ZC3H18: variants seen among roughly 807,000 people sequenced by gnomAD.
ZC3H18 encodes zinc finger CCCH domain-containing protein 18.
Under a neutral mutation model 106.1 loss-of-function variants are expected in ZC3H18, and 8 were observed. The ratio of observed to expected loss-of-function variants is 0.08; its 90% CI spans 0.04 to 0.14. ZC3H18 has a LOEUF of 0.14. Ranked by LOEUF, ZC3H18 falls within the 10% of genes least tolerant of loss-of-function variation. ZC3H18 has a pLI of 1.00. For synonymous variants in ZC3H18, 635 were observed against 522.1 expected, an observed-to-expected ratio of 1.22 and a Z score of -2.95; for missense variants, 1,318 against 1,278.4, an observed-to-expected ratio of 1.03 and a Z score of -0.47.
chr16:88,579,769 A>C (rs4782486), intron 2 of ZC3H18, among the ~76,000 whole-genome samples: 134,471 of 152,236 alleles, frequency 0.88, 59,617 homozygotes, highest in East Asian at 0.95. Flanking sequence ...CCCTTGGCAA[A>C]CGGGGAGGCA....
intron 2 of ZC3H18, among the ~76,000 whole-genome samples, chr16:88,585,835 G>A (rs1196916682): frequency 1.3e-5 from 2 of 152,110 alleles, no homozygotes; most frequent in Non-Finnish European, 2.9e-5. Flanking sequence ...GATTGGTTAC[G>A]CTAGGGCTGG....
In ZC3H18 at chr16:88,624,134, C is replaced by CT. The variant is rs1906145844; in HGVS notation, c.1898+73dup. Reference sequence around the variant, plus strand: ...AGGCTGCAGCCTCCTCCCTCCGTCTCTATCTCTCATTTGTGTTTGGGACCA... The same window carrying CT: ...AGGCTGCAGCCTCCTCCCTCCGTCTCTTATCTCTCATTTGTGTTTGGGACCA... On this transcript the variant is annotated intron_variant, in intron 11 of 17. Coordinates refer to ENST00000301011, the MANE Select transcript of ZC3H18 (RefSeq NM_144604.4). 9 of 1,572,602 alleles carry CT rather than the reference C, an allele frequency of 5.7e-6. No individual in the cohort carries two copies. The Admixed American group carries it at 1.6e-4, about 29-fold the overall frequency.
At position 88,631,217 on chromosome 16, in the gene ZC3H18, G is replaced by A; in HGVS notation, c.2780G>A (p.Arg927Gln). Reference sequence around the variant, plus strand: ...TCAGGGAAGGCCAGCACGCTGTCTCGGCGGGAGGAGCTGCTGAAACAGCTG... The same window carrying A: ...TCAGGGAAGGCCAGCACGCTGTCTCAGCGGGAGGAGCTGCTGAAACAGCTG... ...TKSGKASTLSRREELLKQLKA... is the reference protein window; with the variant it reads ...TKSGKASTLSQREELLKQLKA... Residue 927 changes from arginine (R) to glutamine (Q), a missense_variant, in exon 18 of 18, where the codon CGG becomes CAG. Physicochemically the swap from Arg to Gln is conservative, Grantham distance 43. Coordinates refer to ENST00000301011, the MANE Select transcript of ZC3H18 (RefSeq NM_144604.4). The A allele has an allele frequency of 6.2e-7, 1 of 1,613,566 alleles. No individual in the cohort carries two copies. The highest frequency in any genetic ancestry group is 8.5e-7 in the Non-Finnish European group (1 of 1,179,934).
intron 7 of ZC3H18, among the ~76,000 whole-genome samples, chr16:88,610,974 T>A (rs949401441): frequency 2.0e-5 from 3 of 151,966 alleles, no homozygotes; most frequent in Admixed American, 2.0e-4. Context: ...TTGCTCTAAT[T>A]TGGCATCTGA....
At chr16:88,601,952 C>T (rs1904770659) in intron 6 of ZC3H18, among the ~76,000 whole-genome samples, 1 of 152,094 alleles carries the variant, frequency 6.6e-6, no homozygotes, top group Non-Finnish European at 1.5e-5. Flanking sequence ...CTATGATTGT[C>T]ACAAAGAGCA....
chr16:88,586,985 G>A (rs1301566439), intron 3 of ZC3H18, among the ~76,000 whole-genome samples: 1 of 152,230 alleles, frequency 6.6e-6, no homozygotes, highest in East Asian at 1.9e-4. Context: ...CTATAATGCA[G>A]ATGGCATCAG....
chr16:88,623,152 C>T (rs918508034), intron 9 of ZC3H18, 67 bp from the exon 10 acceptor site: 16 of 1,568,692 alleles, frequency 1.0e-5, no homozygotes, highest in East Asian at 6.9e-5. Context: ...TGCATGTGTG[C>T]GTCAGGGCGT....
chr16:88,576,739 A>G (rs1297251092), intron 1 of ZC3H18, among the ~76,000 whole-genome samples: 1 of 152,162 alleles, frequency 6.6e-6, no homozygotes, highest in African/African-American at 2.4e-5. Flanking sequence ...TTAATTTCAA[A>G]AGTAAATACT....
chr16:88,577,158 A>C lies in ZC3H18; in HGVS notation c.35A>C (p.His12Pro), dbSNP rs1462519938. 1 of 1,585,066 alleles carries C rather than the reference A, an allele frequency of 6.3e-7. No homozygotes were observed. Among genetic ancestry groups the C allele is most frequent in the African/African-American group, 1.4e-5 (1 of 73,856 alleles). The change falls in exon 2 of 18, where the codon CAC becomes CCC. Residue 12 changes from histidine to proline, a missense_variant. By Grantham distance (77) the His-to-Pro change is moderately conservative. Transcript: ENST00000301011. ...GCCGAGAGCCCTGAACGGGATCCTC[A>C]CTCTCCAGAGGATGAAGAGCAGCCA... ...DVAESPERDP[H>P]SPEDEEQPQG...
intron 3 of ZC3H18, among the ~76,000 whole-genome samples, chr16:88,593,713 A>G (rs1404425990): frequency 6.6e-6 from 1 of 152,226 alleles, no homozygotes; most frequent in African/African-American, 2.4e-5. Context: ...CAGACATGCC[A>G]GGGAATGCAG....
In ZC3H18 at chr16:88,598,636, A is replaced by G; in HGVS notation, c.854A>G (p.Asp285Gly). The change falls in exon 5 of 18, where the codon GAT becomes GGT. Residue 285 changes from aspartate (D) to glycine (G), a missense_variant. Physicochemically the swap from Asp to Gly is moderately conservative, Grantham distance 94. Transcript: ENST00000301011. ...PANPWGGPVV[D>G]EILPPPPPEP... Reference sequence around the variant, plus strand: ...TTTCAATAGGGTGGGCCGGTAGTTGATGAAATTTTGCCTCCACCCCCTCCA... The same window carrying G: ...TTTCAATAGGGTGGGCCGGTAGTTGGTGAAATTTTGCCTCCACCCCCTCCA... 6.2e-7 allele frequency: 1 copy of G among 1,611,296 alleles called. No homozygotes were observed. The highest frequency in any genetic ancestry group is 8.5e-7 in the Non-Finnish European group (1 of 1,178,548).
intron 8 of ZC3H18, among the ~76,000 whole-genome samples, chr16:88,616,289 G>T (rs1018904421): frequency 6.6e-6 from 1 of 152,232 alleles, no homozygotes; most frequent in African/African-American, 2.4e-5. Context: ...GGGCCGAGCC[G>T]CTCTTCCCAC....
intron 3 of ZC3H18, among the ~76,000 whole-genome samples, chr16:88,593,271 CCA>C (rs1205918303): frequency 6.6e-6 from 1 of 152,148 alleles, no homozygotes; most frequent in Non-Finnish European, 1.5e-5. Context: ...GGTCACTGAG[CCA>C]CAGTGAGCAC....
rs1323059794 is a variant in ZC3H18, at chr16:88,572,979, G to C, written c.-15+2413G>C. On this transcript the variant is annotated intron_variant, in intron 1 of 17. Coordinates refer to ENST00000301011, the MANE Select transcript of ZC3H18 (RefSeq NM_144604.4). ...TCACTGTGTTGGCCAAGGTGATCTC[G>C]AACTCCCAACCTCGTGATCCTCCCG... Among the ~76,000 whole-genome samples the C allele has an allele frequency of 1.3e-5, 2 of 151,924 alleles. 1 individual carries two copies. Among genetic ancestry groups the C allele is most frequent in the Non-Finnish European group, 2.9e-5 (2 of 67,918 alleles).
In ZC3H18 at chr16:88,577,291, G is replaced by A. The variant is rs1914816045; in HGVS notation, c.168G>A (p.Arg56=). The part of the protein sequence containing the change: ...SDLEDEESAA[R]GPSQEEEDNH... ...TGGAGGATGAGGAAAGTGCAGCCAG[G>A]GGGCCGAGCCAGGAGGAGGAAGATA... Residue 56 remains arginine, a synonymous_variant, in exon 2 of 18, where the codon AGG becomes AGA. Transcript: ENST00000301011. 1 of 1,613,022 alleles carries A rather than the reference G, an allele frequency of 6.2e-7. No individual in the cohort carries two copies. The highest frequency in any genetic ancestry group is 8.5e-7 in the Non-Finnish European group (1 of 1,179,590).
At chr16:88,572,965 G>T (rs964597506) in intron 1 of ZC3H18, among the ~76,000 whole-genome samples, 5 of 151,904 alleles carry the variant, frequency 3.3e-5, no homozygotes, top group African/African-American at 1.2e-4. Flanking sequence ...CACTGTGTTG[G>T]CCAAGGTGAT....
At chr16:88,612,870 G>A (rs1905349210) in intron 8 of ZC3H18, among the ~76,000 whole-genome samples, 1 of 151,926 alleles carries the variant, frequency 6.6e-6, no homozygotes, top group Non-Finnish European at 1.5e-5. Context: ...GGGCGTGGTA[G>A]TGCACCACTG....
intron 8 of ZC3H18, among the ~76,000 whole-genome samples, chr16:88,615,994 C>T (rs1404200794): frequency 1.3e-5 from 2 of 152,194 alleles, no homozygotes; most frequent in African/African-American, 4.8e-5. Flanking sequence ...GGGCAGATTC[C>T]CGACTGCTGT....
At chr16:88,618,318 A>T (rs554849783) in intron 8 of ZC3H18, among the ~76,000 whole-genome samples, 30 of 152,342 alleles carry the variant, frequency 2.0e-4, no homozygotes, top group Middle Eastern at 3.4e-3. Flanking sequence ...AGGCACTCAC[A>T]GAACAAGCCA....
Sources: gnomAD v4.1 joint callset for allele counts (sites outside exome capture counted in the v4.1 genomes callset) on GRCh38, gnomAD v4.1.1 for gene constraint, MANE v1.5 for transcripts, NCBI Gene and HGNC (gene_info 2026-07-23, HGNC 2026-07-21) for gene names.